Variants in TENT5D observed in about 807,000 individuals in gnomAD.
TENT5D encodes cancer/testis antigen 112.
For missense variants in TENT5D, 191 were observed against 287.0 expected, an observed-to-expected ratio of 0.67 and a Z score of 2.42; for synonymous variants, 103 against 100.6, an observed-to-expected ratio of 1.02 and a Z score of -0.15.
At chrX:80,394,893 G>T (rs1465313719) in intron 3 of TENT5D, among the ~76,000 whole-genome samples, 2 of 110,926 alleles carry the variant, frequency 1.8e-5, no homozygotes, top group Non-Finnish European at 3.8e-5. Context: ...TTCTCTTCTA[G>T]CTATTTTGAA....
chrX:80,337,496 C>T (rs967344560), intron 2 of TENT5D, among the ~76,000 whole-genome samples: 5 of 111,729 alleles, frequency 4.5e-5, no homozygotes, highest in Non-Finnish European at 9.4e-5. Flanking sequence ...ATTTTGTATA[C>T]ATGAAATGAT....
chrX:80,387,256 T>G (rs1293037754), intron 3 of TENT5D, among the ~76,000 whole-genome samples: 2 of 112,131 alleles, frequency 1.8e-5, no homozygotes, highest in Non-Finnish European at 3.8e-5. Flanking sequence ...CCTTTTGTAG[T>G]GCGGTCAGAT....
intron 1 of TENT5D, among the ~76,000 whole-genome samples, chrX:80,421,743 T>C (rs1429977275): frequency 8.9e-6 from 1 of 111,827 alleles, no homozygotes; most frequent in Non-Finnish European, 1.9e-5. Flanking sequence ...GACCTGAATA[T>C]CTGTAGCCAA....
intron 2 of TENT5D, among the ~76,000 whole-genome samples, chrX:80,339,404 CTG>C (rs1182025373): frequency 9.0e-6 from 1 of 111,309 alleles, no homozygotes; most frequent in Non-Finnish European, 1.9e-5. Context: ...AATAGAAAAA[CTG>C]TTTTTTCCCC....
chrX:80,424,191 A>G (rs1466214668), intron 1 of TENT5D, among the ~76,000 whole-genome samples: 1 of 111,282 alleles, frequency 9.0e-6, no homozygotes, highest in Non-Finnish European at 1.9e-5. Flanking sequence ...AGGCATGTTT[A>G]TGCATGGTTC....
Position 80,408,256 on chromosome X carries a change from C to G in TENT5D, c.-141-30354C>G, listed in dbSNP as rs1442099350. ...AGGCAAGAAATAACTAAAATCAGAGCAGAACTGAAGGAAATAGAGACACAA... is the reference window on the plus strand; with the variant it reads ...AGGCAAGAAATAACTAAAATCAGAGGAGAACTGAAGGAAATAGAGACACAA... On this transcript the variant is annotated intron_variant, in intron 3 of 4. Transcript: ENST00000538312. 4.4e-3 allele frequency among the ~76,000 whole-genome samples: 462 copies of G among 103,850 alleles called. 7 individuals are homozygous for G. Among genetic ancestry groups the G allele is most frequent in the Non-Finnish European group, 5.2e-3 (260 of 50,413 alleles). The allele number at this position is 103,850 out of a possible 115,157, so 90.2% of individuals were successfully genotyped here.
intron 3 of TENT5D, among the ~76,000 whole-genome samples, chrX:80,381,226 T>C (rs1320207338): frequency 6.3e-5 from 7 of 111,845 alleles, no homozygotes; most frequent in Non-Finnish European, 1.3e-4. Context: ...GAAGCTTAGT[T>C]TGGCTGGATA....
At chrX:80,347,134 A>C (rs1382656380) in intron 3 of TENT5D, among the ~76,000 whole-genome samples, 1 of 111,714 alleles carries the variant, frequency 9.0e-6, no homozygotes, top group African/African-American at 3.3e-5. Flanking sequence ...GCTGCAATAA[A>C]CATATGTGTG....
chrX:80,395,673 C>G (rs745978655), intron 3 of TENT5D, among the ~76,000 whole-genome samples: 2 of 110,904 alleles, frequency 1.8e-5, no homozygotes, highest in South Asian at 7.7e-4. Context: ...TATCCATCAT[C>G]TCAAACATTT....
At chrX:80,349,054 C>T (rs1404560385) in intron 3 of TENT5D, among the ~76,000 whole-genome samples, 1 of 111,836 alleles carries the variant, frequency 8.9e-6, no homozygotes, top group African/African-American at 3.2e-5. Context: ...CGGCTGGATT[C>T]GGTTTGCCAA....
intron 1 of TENT5D, among the ~76,000 whole-genome samples, chrX:80,433,886 G>A (rs957327752): frequency 5.4e-5 from 6 of 111,110 alleles, no homozygotes; most frequent in African/African-American, 9.8e-5. Context: ...TCTAATCCCA[G>A]CACTTTTGGA....
intron 3 of TENT5D, among the ~76,000 whole-genome samples, chrX:80,356,250 ATGTC>A (rs1256146927): frequency 8.9e-6 from 1 of 111,974 alleles, no homozygotes; most frequent in Non-Finnish European, 1.9e-5. Context: ...ACAGACAAAA[ATGTC>A]TGTTAAAATC....
intron 3 of TENT5D, among the ~76,000 whole-genome samples, chrX:80,368,680 AT>A (rs1461473174): frequency 8.9e-6 from 1 of 112,298 alleles, no homozygotes; most frequent in Non-Finnish European, 1.9e-5. Flanking sequence ...GGCAACAAGA[AT>A]TGACTGTAGC....
chrX:80,426,554 GCTTAA>G (rs1384354730), intron 1 of TENT5D, among the ~76,000 whole-genome samples: 3 of 111,430 alleles, frequency 2.7e-5, no homozygotes, highest in Non-Finnish European at 5.7e-5. Context: ...TTATTTTAAT[GCTTAA>G]CTTAAAGAAA....
At chrX:80,358,152 A>C (rs1158529893) in intron 3 of TENT5D, among the ~76,000 whole-genome samples, 3 of 111,800 alleles carry the variant, frequency 2.7e-5, no homozygotes, top group African/African-American at 6.5e-5. Context: ...TACACCTTAT[A>C]CAAAAATTAA....
At chrX:80,421,254 C>T (rs1403211671) in intron 1 of TENT5D, among the ~76,000 whole-genome samples, 1 of 111,570 alleles carries the variant, frequency 9.0e-6, no homozygotes, top group Non-Finnish European at 1.9e-5. Flanking sequence ...GGCATGATCT[C>T]GGCTCACTGC....
intron 3 of TENT5D, among the ~76,000 whole-genome samples, chrX:80,373,468 C>T: frequency 9.0e-6 from 1 of 111,170 alleles, no homozygotes; most frequent in East Asian, 2.8e-4. Flanking sequence ...TTTGGTTGAC[C>T]ATTTAGAGGC....
intron 3 of TENT5D, among the ~76,000 whole-genome samples, chrX:80,394,935 C>A (rs1931213107): frequency 9.0e-6 from 1 of 111,215 alleles, no homozygotes; most frequent in Non-Finnish European, 1.9e-5. Flanking sequence ...ACTATAGTCA[C>A]CCTAATGTGC....
chrX:80,388,818 A>T (rs890064810), intron 3 of TENT5D, among the ~76,000 whole-genome samples: 1 of 111,376 alleles, frequency 9.0e-6, no homozygotes, highest in Non-Finnish European at 1.9e-5. Flanking sequence ...CCTGCCTAGG[A>T]TTTGCAGTCC....
Sources: gnomAD v4.1 joint callset for allele counts (sites outside exome capture counted in the v4.1 genomes callset) on GRCh38, gnomAD v4.1.1 for gene constraint, MANE v1.5 for transcripts, NCBI Gene and HGNC (gene_info 2026-07-23, HGNC 2026-07-21) for gene names.